The following SGCG variants were observed in gnomAD, a reference collection of about 807,000 sequenced individuals.
SGCG encodes the protein sarcoglycan gamma, also known as gamma-sarcoglycan.
A neutral mutation model predicts 29.3 loss-of-function variants in SGCG; 26 were observed. That is an observed-to-expected ratio of 0.89 (90% CI 0.65 to 1.23). The LOEUF (loss-of-function observed/expected upper bound fraction) is 1.23, where lower values mean the gene tolerates loss of function less well. Ranked by LOEUF, SGCG falls within the 50% of genes most tolerant of loss-of-function variation. SGCG has a pLI of 0.00. For synonymous variants in SGCG, 145 were observed against 129.7 expected (o/e 1.12, Z -0.80); for missense variants, 353 against 356.0 (o/e 0.99, Z 0.07).
chr13:23,231,670 G>T (rs532941355), intron 2 of SGCG, among the ~76,000 whole-genome samples: 2 of 152,082 alleles, frequency 1.3e-5, no homozygotes, highest in Non-Finnish European at 2.9e-5. Context: ...ATACATGATC[G>T]ATTTTTATAA....
intron 4 of SGCG, among the ~76,000 whole-genome samples, chr13:23,261,022 G>C (rs1347589140): frequency 1.3e-5 from 2 of 151,990 alleles, no homozygotes; most frequent in African/African-American, 4.8e-5. Context: ...TCTTGGGATT[G>C]CTCTTCTCAA....
chr13:23,262,515 A>G (rs1028462102), intron 4 of SGCG, among the ~76,000 whole-genome samples: 4 of 152,030 alleles, frequency 2.6e-5, no homozygotes, highest in Non-Finnish European at 4.4e-5. Context: ...ATAAAAAATT[A>G]CTACTATACC....
At chr13:23,198,224 G>A (rs1403580084) in intron 1 of SGCG, among the ~76,000 whole-genome samples, 3 of 150,098 alleles carry the variant, frequency 2.0e-5, no homozygotes, top group Non-Finnish European at 4.4e-5. Context: ...CATTATCCTT[G>A]CATTTATCAT....
rs147331288 is a variant in SGCG, at chr13:23,222,165, CTT to C, written c.196-12445_196-12444del. 3.3e-3 allele frequency among the ~76,000 whole-genome samples: 503 copies of C among 152,182 alleles called. 2 individuals are homozygous for C. Among genetic ancestry groups the C allele is most frequent in the African/African-American group, 0.011 (474 of 41,522 alleles). On this transcript the variant is annotated intron_variant, in intron 2 of 7. Coordinates refer to ENST00000218867, the MANE Select transcript of SGCG (RefSeq NM_000231.3). ...GGGCCGTCGATTGTCTATCTGTTGTCTTATATTTTTGAAGGAGTATGCTATAT... is the reference window on the plus strand; with the variant it reads ...GGGCCGTCGATTGTCTATCTGTTGTCATATTTTTGAAGGAGTATGCTATAT...
chr13:23,240,472 A>G (rs1157050422), intron 3 of SGCG, among the ~76,000 whole-genome samples: 5 of 152,232 alleles, frequency 3.3e-5, no homozygotes, highest in Admixed American at 3.3e-4. Flanking sequence ...CCAACTTGAT[A>G]TAATTAAAAT....
At chr13:23,248,670 G>A (rs540867943) in intron 3 of SGCG, among the ~76,000 whole-genome samples, 84 of 151,142 alleles carry the variant, frequency 5.6e-4, no homozygotes, top group Admixed American at 1.8e-3. Flanking sequence ...CTCCAGCCTG[G>A]GCGGCGGAAC....
At chr13:23,248,229 A>T (rs73436832) in intron 3 of SGCG, among the ~76,000 whole-genome samples, 1,749 of 152,220 alleles carry the variant, frequency 0.011, 25 homozygotes, top group African/African-American at 0.039. Flanking sequence ...TTAATTTTAG[A>T]TGGAAAACCA....
intron 1 of SGCG, among the ~76,000 whole-genome samples, chr13:23,190,001 G>C (rs1464032920): frequency 6.6e-6 from 1 of 152,022 alleles, no homozygotes; most frequent in East Asian, 1.9e-4. Flanking sequence ...CAACTTAGAG[G>C]TCATTGATAG....
At chr13:23,176,679 A>C (rs899046645), upstream of SGCG, among the ~76,000 whole-genome samples, 12 of 152,068 alleles carry the variant, frequency 7.9e-5, no homozygotes, top group African/African-American at 2.4e-4. Context: ...CTTTTTATCC[A>C]TTCAGCCACA....
Position 23,206,406 on chromosome 13 carries a change from G to A in SGCG, c.195+2517G>A, listed in dbSNP as rs143252444. ...CTGTAGATACCTCATATAAATGGAA[G>A]CATGCAATATTTGTCCTTTTGTGCT... On this transcript the variant is annotated intron_variant, in intron 2 of 7. Coordinates refer to ENST00000218867, the MANE Select transcript of SGCG (RefSeq NM_000231.3). Among the ~76,000 whole-genome samples, 216 of 152,290 alleles carry A rather than the reference G, an allele frequency of 1.4e-3. 3 individuals are homozygous for A. The highest frequency in any genetic ancestry group is 5.0e-3 in the African/African-American group (207 of 41,570).
chr13:23,244,862 G>C (rs1879641359), intron 3 of SGCG: 1 of 152,296 alleles, frequency 6.6e-6, no homozygotes, highest in Non-Finnish European at 1.5e-5. Context: ...AGGCGCCGGA[G>C]TGGCGTGAAG....
intron 2 of SGCG, among the ~76,000 whole-genome samples, chr13:23,222,964 A>G (rs1878729058): frequency 6.6e-6 from 1 of 152,024 alleles, no homozygotes; most frequent in Non-Finnish European, 1.5e-5. Flanking sequence ...GGGCTTCTCA[A>G]CATTTCGGGG....
chr13:23,242,307 C>T (rs768550782), intron 3 of SGCG, among the ~76,000 whole-genome samples: 3 of 152,092 alleles, frequency 2.0e-5, no homozygotes, highest in Non-Finnish European at 4.4e-5. Context: ...TTGTACTTGC[C>T]CTCTAATCTA....
chr13:23,224,987 AC>A (rs953920145), intron 2 of SGCG, among the ~76,000 whole-genome samples: 2 of 152,086 alleles, frequency 1.3e-5, no homozygotes, highest in Non-Finnish European at 2.9e-5. Context: ...CAGTAGCAGC[AC>A]CCACTACGAG....
At chr13:23,220,938 T>C (rs1406521929) in intron 2 of SGCG, among the ~76,000 whole-genome samples, 1 of 152,192 alleles carries the variant, frequency 6.6e-6, no homozygotes. Context: ...CCTGTCTGCA[T>C]ATATGAGCAA....
At chr13:23,299,493 C>T (rs2137653120) in intron 6 of SGCG, among the ~76,000 whole-genome samples, 1 of 118,960 alleles carries the variant, frequency 8.4e-6, no homozygotes, top group East Asian at 2.6e-4. Flanking sequence ...TCACTCTGTC[C>T]CCAGGCTGGG....
chr13:23,178,419 G>A (rs866525006), upstream of SGCG, among the ~76,000 whole-genome samples: 5 of 152,190 alleles, frequency 3.3e-5, no homozygotes, highest in Admixed American at 3.3e-4. Flanking sequence ...GGACAAAAGA[G>A]CAGTGGGTGT....
In SGCG at chr13:23,274,668, G is replaced by A. The variant is rs548449639; in HGVS notation, c.386-4691G>A. 6.6e-4 allele frequency among the ~76,000 whole-genome samples: 101 copies of A among 151,998 alleles called. 2 individuals carry two copies. The highest frequency in any genetic ancestry group is 3.1e-3 in the South Asian group (15 of 4,812). On this transcript the variant is annotated intron_variant, in intron 4 of 7. Coordinates refer to ENST00000218867, the MANE Select transcript of SGCG (RefSeq NM_000231.3). ...CGATCTCCTGACCTCGTGATCCACC[G>A]GCCTCGGCCTTCCAAAGTGCTGGGA...
the SGCG span, among the ~76,000 whole-genome samples, chr13:23,165,351 T>C: frequency 2.0e-5 from 3 of 152,144 alleles, no homozygotes; most frequent in Admixed American, 6.6e-5. Context: ...AATTATGTTA[T>C]ATATGAGATA....
Sources: gnomAD v4.1 joint callset for allele counts (sites outside exome capture counted in the v4.1 genomes callset) on GRCh38, gnomAD v4.1.1 for gene constraint, MANE v1.5 for transcripts, NCBI Gene and HGNC (gene_info 2026-07-23, HGNC 2026-07-21) for gene names.